GOLGA4: variants seen among roughly 807,000 people sequenced by gnomAD.
GOLGA4 encodes the protein golgin subfamily A member 4.
GOLGA4 carries 169 observed loss-of-function variants against 265.9 expected under a neutral mutation model. That is an observed-to-expected ratio of 0.64 (90% CI 0.56 to 0.72). The LOEUF is 0.72. Ranked by LOEUF, GOLGA4 falls within the 30% of genes least tolerant of loss-of-function variation. The pLI is 0.00. For synonymous variants in GOLGA4, 923 were observed against 855.8 expected, an observed-to-expected ratio of 1.08 and a Z score of -1.37; for missense variants, 2,482 against 2,483.4, an observed-to-expected ratio of 1.00 and a Z score of 0.01.
chr3:37,291,479 A>G (rs975697494), intron 5 of GOLGA4, among the ~76,000 whole-genome samples: 1 of 152,208 alleles, frequency 6.6e-6, no homozygotes, highest in African/African-American at 2.4e-5. Flanking sequence ...TTCCCTGGCA[A>G]TATCAAATGG....
intron 12 of GOLGA4, chr3:37,319,468 C>T (rs1207586772): frequency 2.2e-5 from 4 of 181,138 alleles, no homozygotes; most frequent in South Asian, 1.8e-4. Context: ...GATCTTGGCT[C>T]GCTGTAACCT....
intron 23 of GOLGA4, among the ~76,000 whole-genome samples, chr3:37,362,749 C>T (rs193061463): frequency 1.4e-5 from 2 of 145,784 alleles, no homozygotes; most frequent in East Asian, 4.0e-4. Context: ...AACTCCTGGG[C>T]TCAAGCGATC....
At chr3:37,247,936 C>T (rs1236050276) in intron 1 of GOLGA4, among the ~76,000 whole-genome samples, 1 of 152,130 alleles carries the variant, frequency 6.6e-6, no homozygotes, top group Non-Finnish European at 1.5e-5. Flanking sequence ...ATTTGAAGGG[C>T]TTATGTAATT....
chr3:37,292,655 TC>T (rs2096867971), intron 5 of GOLGA4, among the ~76,000 whole-genome samples: 1 of 151,888 alleles, frequency 6.6e-6, no homozygotes, highest in Non-Finnish European at 1.5e-5. Context: ...CCACTGCACT[TC>T]AGCCTGGTGA....
At chr3:37,278,360 T>C (rs1202961748) in intron 2 of GOLGA4, among the ~76,000 whole-genome samples, 2 of 152,038 alleles carry the variant, frequency 1.3e-5, no homozygotes, top group Non-Finnish European at 2.9e-5. Context: ...ACACCACGCC[T>C]GGCTAATTTT....
chr3:37,276,371 G>A, intron 2 of GOLGA4: 7 of 1,607,234 alleles, frequency 4.4e-6, no homozygotes, highest in South Asian at 3.3e-5. Flanking sequence ...GACAGCAGAG[G>A]AAATGGCTAG....
In GOLGA4 at chr3:37,287,671, AACT is replaced by A. The variant is rs1578513285; in HGVS notation, c.526-1560_526-1558del. On this transcript the variant is annotated intron_variant, in intron 4 of 23. Coordinates refer to ENST00000361924, the MANE Select transcript of GOLGA4 (RefSeq NM_002078.5). ...GTTAGACTGCAGAGCATGTGCTTAT[AACT>A]ACTGCACTACAGTTTTTCATCATTC... 2.0e-5 allele frequency: 3 copies of A among 152,366 alleles called. No individual in the cohort carries two copies. The East Asian group carries it at 5.8e-4, about 29-fold the overall frequency. 9.4% of individuals were successfully genotyped at this position (152,366 alleles called of 1,614,324 possible).
chr3:37,289,483 T>G lies in GOLGA4; in HGVS notation c.582+192T>G, dbSNP rs77519911. 0.041 allele frequency among the ~76,000 whole-genome samples: 6,193 copies of G among 152,272 alleles called. 359 individuals carry two copies. Among genetic ancestry groups the G allele is most frequent in the African/African-American group, 0.13 (5,242 of 41,524 alleles). On this transcript the variant is annotated intron_variant, in intron 5 of 23. Coordinates refer to ENST00000361924, the MANE Select transcript of GOLGA4 (RefSeq NM_002078.5). Reference sequence around the variant, plus strand: ...GTTTTTCTAAGATACATTGTTGGAATTAATGAAATGAGGTGTTAGCAACAG... The same window carrying G: ...GTTTTTCTAAGATACATTGTTGGAAGTAATGAAATGAGGTGTTAGCAACAG...
At chr3:37,321,198 CAG>C (rs2096953927) in intron 12 of GOLGA4, among the ~76,000 whole-genome samples, 1 of 152,156 alleles carries the variant, frequency 6.6e-6, no homozygotes, top group Admixed American at 6.5e-5. Flanking sequence ...AAAGGACAAT[CAG>C]AGAAGCTTTT....
chr3:37,348,530 C>G (rs886410666), intron 21 of GOLGA4, among the ~76,000 whole-genome samples: 1 of 152,098 alleles, frequency 6.6e-6, no homozygotes, highest in Non-Finnish European at 1.5e-5. Flanking sequence ...GGGACATACA[C>G]TATCTCACCT....
At chr3:37,341,132 A>T (rs1313734032) in intron 20 of GOLGA4, among the ~76,000 whole-genome samples, 1 of 152,066 alleles carries the variant, frequency 6.6e-6, no homozygotes, top group Non-Finnish European at 1.5e-5. Context: ...ATGCCATTGC[A>T]CTAAAAAAAA....
intron 10 of GOLGA4, among the ~76,000 whole-genome samples, chr3:37,309,397 A>G (rs902601419): frequency 2.6e-5 from 4 of 152,146 alleles, no homozygotes; most frequent in African/African-American, 7.2e-5. Flanking sequence ...TCTACTAAAA[A>G]TACAAAAATT....
intron 1 of GOLGA4, among the ~76,000 whole-genome samples, chr3:37,244,468 G>C (rs1317413579): frequency 6.6e-6 from 1 of 152,226 alleles, no homozygotes; most frequent in Non-Finnish European, 1.5e-5. Context: ...GTTCACTGGA[G>C]ATGTTTCGAT....
intron 9 of GOLGA4, among the ~76,000 whole-genome samples, chr3:37,300,922 T>G (rs1040843116): frequency 6.6e-6 from 1 of 152,226 alleles, no homozygotes; most frequent in Non-Finnish European, 1.5e-5. Flanking sequence ...TTCTTTTAAT[T>G]TACTGGTTTG....
chr3:37,347,852 GTCTTAT>G (rs763089314), intron 21 of GOLGA4, among the ~76,000 whole-genome samples: 2 of 152,084 alleles, frequency 1.3e-5, no homozygotes, highest in Non-Finnish European at 2.9e-5. Context: ...GTAGAGTCTT[GTCTTAT>G]TCTTATTTGT....
In GOLGA4 at chr3:37,318,960, T is replaced by G. The variant is rs142911549; in HGVS notation, c.1414-103T>G. 3.2e-4 allele frequency: 245 copies of G among 776,908 alleles called. 2 individuals carry two copies. The East Asian group carries it at 4.1e-3, about 13-fold the overall frequency. 48.1% of individuals were successfully genotyped at this position (776,908 alleles called of 1,614,324 possible). A position where few individuals can be genotyped will look rare whatever the true frequency, so the allele number is the denominator to read the frequency against. On this transcript the variant is annotated intron_variant, in intron 11 of 23. Coordinates refer to ENST00000361924, the MANE Select transcript of GOLGA4 (RefSeq NM_002078.5). Reference sequence around the variant, plus strand: ...TCTTAGGAATGTGATTTTTTCTTCTTAAAAACTTATTAGTTTGAGTAAATT... The same window carrying G: ...TCTTAGGAATGTGATTTTTTCTTCTGAAAAACTTATTAGTTTGAGTAAATT...
rs551091678 is a variant in GOLGA4, at chr3:37,328,534, A to G, written c.6058A>G (p.Ile2020Val). 89 of 1,609,020 alleles carry G rather than the reference A, an allele frequency of 5.5e-5. 2 individuals are homozygous for G. The South Asian group carries it at 9.4e-4, about 17-fold the overall frequency. Residue 2020 changes from isoleucine to valine, a missense_variant, in exon 15 of 24, where the codon ATC becomes GTC. This residue lies in a region of GOLGA4 where 942 missense variants were observed against 983.1 expected (regional missense o/e 0.96). Transcript: ENST00000361924. ...QELEMTIKET[I>V]NKAQEVEAEL... is the part of the protein sequence containing the mutation. ...GCTGGAAATGACCATAAAAGAAACT[A>G]TCAGTAAGTAAAATTAAGTTCCATA...
chr3:37,365,832 T>G (rs1232154017), intron 23 of GOLGA4, among the ~76,000 whole-genome samples: 1 of 146,292 alleles, frequency 6.8e-6, no homozygotes, highest in African/African-American at 2.5e-5. Context: ...GGGGTCTTGC[T>G]GTGTTGACCA....
At chr3:37,329,265 AT>A (rs1343312640) in intron 16 of GOLGA4, 172 bp downstream of exon 16, 6 of 478,852 alleles carry the variant, frequency 1.3e-5, no homozygotes, top group African/African-American at 2.0e-5. Context: ...AGTTGAGTTG[AT>A]TTCTGCCAGG....
Sources: gnomAD v4.1 joint callset for allele counts (sites outside exome capture counted in the v4.1 genomes callset) on GRCh38, gnomAD v4.1.1 for gene constraint, gnomAD v4.1.1 regional missense constraint, MANE v1.5 for transcripts, NCBI Gene and HGNC (gene_info 2026-07-23, HGNC 2026-07-21) for gene names.